The following RALYL variants were observed in gnomAD, a reference collection of about 807,000 sequenced individuals.
The protein encoded by RALYL is RNA-binding Raly-like protein.
Under a neutral mutation model 35.1 loss-of-function variants are expected in RALYL, and 29 were observed. The observed-to-expected ratio is 0.83, with a 90% CI of 0.61 to 1.13. RALYL has a LOEUF of 1.13. RALYL is among the 50% of genes most tolerant of loss of function. The probability of loss-of-function intolerance (pLI) is 0.00; values close to 1 mark genes in which losing one functional copy is unlikely to be tolerated. For missense variants in RALYL, 359 were observed against 360.4 expected, an observed-to-expected ratio of 1.00 and a Z score of 0.03; for synonymous variants, 120 against 127.6, an observed-to-expected ratio of 0.94 and a Z score of 0.40.
chr8:84,195,781 A>G (rs2130928740), intron 1 of RALYL, among the ~76,000 whole-genome samples: 1 of 152,314 alleles, frequency 6.6e-6, no homozygotes, highest in South Asian at 2.1e-4. Context: ...AGTGAGAGGA[A>G]CAACAGCAAC....
At chr8:84,675,168 G>A (rs964804010) in intron 2 of RALYL, among the ~76,000 whole-genome samples, 2 of 152,026 alleles carry the variant, frequency 1.3e-5, no homozygotes, top group Non-Finnish European at 2.9e-5. Context: ...TGAAGGCTTA[G>A]CAAATAAATA....
chr8:84,530,989 A>G (rs963948787), intron 2 of RALYL, among the ~76,000 whole-genome samples: 2 of 152,106 alleles, frequency 1.3e-5, no homozygotes, highest in South Asian at 2.1e-4. Flanking sequence ...TGTGCTAAAA[A>G]TTTACCTCCA....
intron 1 of RALYL, among the ~76,000 whole-genome samples, chr8:84,425,471 C>A (rs1454961491): frequency 6.6e-6 from 1 of 152,168 alleles, no homozygotes; most frequent in Non-Finnish European, 1.5e-5. Context: ...GTGAGATGCA[C>A]CCAGTACCTC....
chr8:84,870,321 C>T (rs191878554), intron 6 of RALYL, among the ~76,000 whole-genome samples: 3 of 150,168 alleles, frequency 2.0e-5, no homozygotes, highest in African/African-American at 4.9e-5. Context: ...TGCAGTGGTG[C>T]GATCTTGGCT....
chr8:84,415,011 T>A (rs1338893742), intron 1 of RALYL, among the ~76,000 whole-genome samples: 1 of 152,038 alleles, frequency 6.6e-6, no homozygotes, highest in East Asian at 1.9e-4. Context: ...AAGTCATAGG[T>A]CACTGGAATG....
chr8:84,190,590 T>G (rs1468884988), intron 1 of RALYL, among the ~76,000 whole-genome samples: 1 of 152,162 alleles, frequency 6.6e-6, no homozygotes, highest in Non-Finnish European at 1.5e-5. Context: ...AATTTTGGAA[T>G]CTGGATATCT....
At chr8:84,718,947 A>G (rs1227429588) in intron 2 of RALYL, among the ~76,000 whole-genome samples, 3 of 152,132 alleles carry the variant, frequency 2.0e-5, no homozygotes, top group Non-Finnish European at 4.4e-5. Context: ...CACTCTTTCC[A>G]TCATTCATAC....
At chr8:84,248,887 T>C (rs925004723) in intron 1 of RALYL, among the ~76,000 whole-genome samples, 2 of 152,132 alleles carry the variant, frequency 1.3e-5, no homozygotes, top group East Asian at 3.9e-4. Flanking sequence ...AGAGACTTGA[T>C]GTTTTAAAGG....
intron 2 of RALYL, among the ~76,000 whole-genome samples, chr8:84,537,639 G>A (rs115316403): frequency 0.015 from 2,277 of 152,094 alleles, 57 homozygotes; most frequent in African/African-American, 0.051. Context: ...CTGTATCAGT[G>A]GCTTGTAGTA....
At chr8:84,552,358 ATTTTTTTTTTTT>A (rs1167949176) in intron 2 of RALYL, among the ~76,000 whole-genome samples, 1 of 30,614 alleles carries the variant, frequency 3.3e-5, no homozygotes, top group South Asian at 1.4e-3. Flanking sequence ...ATATATATAT[ATTTTTTTTTTTT>A]TTTTTTTTTT....
chr8:84,772,026 G>A (rs775144403), intron 2 of RALYL, among the ~76,000 whole-genome samples: 4 of 151,572 alleles, frequency 2.6e-5, no homozygotes, highest in Non-Finnish European at 5.9e-5. Context: ...GATTTTTTTG[G>A]TATGGTGTAG....
chr8:84,291,307 C>T (rs189118808), intron 1 of RALYL, among the ~76,000 whole-genome samples: 2 of 152,158 alleles, frequency 1.3e-5, no homozygotes, highest in East Asian at 1.9e-4. Context: ...TTTAGTTTTG[C>T]CCACTTAGAA....
At position 84,497,636 on chromosome 8, in the gene RALYL, G is replaced by A. The variant is rs146374261; in HGVS notation, c.-23-31663G>A. On this transcript the variant is annotated intron_variant, in intron 1 of 8. Transcript: ENST00000521268. The stretch of plus-strand genomic sequence containing the variant: ...AGGTTTTGTTTTTTTTGTTGTTTTT[G>A]TTTTTGTTTTTTTTTTTTTTTTTGA... Among the ~76,000 whole-genome samples, 15 of 111,612 alleles carry A rather than the reference G, an allele frequency of 1.3e-4. No homozygotes were observed. The South Asian group carries it at 2.3e-3, about 17-fold the overall frequency. The allele number at this position is 111,612 out of a possible 152,430, so 73.2% of individuals were successfully genotyped here. A position where few individuals can be genotyped will look rare whatever the true frequency, so the allele number is the denominator to read the frequency against.
At chr8:84,522,603 G>C (rs368326033) in intron 1 of RALYL, among the ~76,000 whole-genome samples, 1 of 152,106 alleles carries the variant, frequency 6.6e-6, no homozygotes, top group African/African-American at 2.4e-5. Flanking sequence ...CACTTTAAGA[G>C]ATTTTCTCTG....
At chr8:84,483,442 T>A (rs1231205115) in intron 1 of RALYL, among the ~76,000 whole-genome samples, 1 of 152,116 alleles carries the variant, frequency 6.6e-6, no homozygotes, top group Non-Finnish European at 1.5e-5. Flanking sequence ...AATTAGGCCA[T>A]GTTGTGGTGA....
intron 1 of RALYL, among the ~76,000 whole-genome samples, chr8:84,429,367 A>C (rs1341352517): frequency 6.6e-6 from 1 of 152,190 alleles, no homozygotes; most frequent in East Asian, 1.9e-4. Context: ...GACATCTTTA[A>C]AAACCTGATA....
chr8:84,698,980 C>A (rs952446991), intron 2 of RALYL, among the ~76,000 whole-genome samples: 3 of 150,794 alleles, frequency 2.0e-5, no homozygotes, highest in African/African-American at 7.3e-5. Context: ...ACTCACAACC[C>A]TGTGGCTTTT....
At chr8:84,569,143 A>C (rs1175255946) in intron 2 of RALYL, among the ~76,000 whole-genome samples, 2 of 151,866 alleles carry the variant, frequency 1.3e-5, no homozygotes, top group African/African-American at 4.8e-5. Context: ...CCTGAATGGT[A>C]ATGCCTAGGT....
chr8:84,373,891 G>T (rs1327550166), intron 1 of RALYL, among the ~76,000 whole-genome samples: 2 of 151,832 alleles, frequency 1.3e-5, no homozygotes, highest in African/African-American at 4.8e-5. Context: ...TCTTCAAGCT[G>T]TGTTTTGTAT....
Sources: allele counts gnomAD v4.1 joint callset (sites outside exome capture counted in the v4.1 genomes callset), GRCh38; gene constraint gnomAD v4.1.1; transcripts MANE v1.5; gene names NCBI Gene and HGNC (gene_info 2026-07-23, HGNC 2026-07-21).